VEGFC: variants seen among roughly 807,000 people sequenced by gnomAD.
VEGFC encodes the protein FLT4 ligand DHM.
VEGFC carries 12 observed loss-of-function variants against 46.1 expected under a neutral mutation model. The observed-to-expected ratio is 0.26, with a 90% CI of 0.17 to 0.42. VEGFC has a LOEUF of 0.42. Ranked by LOEUF, VEGFC falls within the 10% of genes least tolerant of loss-of-function variation. The probability of loss-of-function intolerance (pLI) is 1.00; values close to 1 mark genes in which losing one functional copy is unlikely to be tolerated. For missense variants in VEGFC, 488 were observed against 529.4 expected (o/e 0.92, Z 0.77); for synonymous variants, 232 against 195.5 (o/e 1.19, Z -1.56).
intron 1 of VEGFC, among the ~76,000 whole-genome samples, chr4:176,747,760 C>CT (rs1312636884): frequency 6.6e-6 from 1 of 152,064 alleles, no homozygotes; most frequent in African/African-American, 2.4e-5. Context: ...CCACTGCACT[C>CT]TATCCTGGGC....
Position 176,792,096 on chromosome 4 carries a change from G to C in VEGFC, c.147+69C>G, listed in dbSNP as rs890649032. On this transcript the variant is annotated intron_variant, in intron 1 of 6. Transcript: ENST00000618562. The surrounding 1 kb of genome is among the most constrained non-coding windows in gnomAD (Gnocchi z 6.3). ...AAGCACACACACTTTCCCCCGCGCAGGTTCTCGGGTCCGCCGCAGACCCTA... is the reference window on the plus strand; with the variant it reads ...AAGCACACACACTTTCCCCCGCGCACGTTCTCGGGTCCGCCGCAGACCCTA... 1 of 1,402,030 alleles carries C rather than the reference G, an allele frequency of 7.1e-7. No individual in the cohort carries two copies. The highest frequency in any genetic ancestry group is 9.3e-7 in the Non-Finnish European group (1 of 1,073,030). The allele number at this position is 1,402,030 out of a possible 1,614,324, so 86.8% of individuals were successfully genotyped here.
At chr4:176,705,311 A>G (rs1201835439) in intron 4 of VEGFC, among the ~76,000 whole-genome samples, 2 of 152,272 alleles carry the variant, frequency 1.3e-5, no homozygotes, top group East Asian at 3.9e-4. Flanking sequence ...ATGGAAATAC[A>G]TGGAGTTAAA....
chr4:176,755,584 G>A (rs1217012089), intron 1 of VEGFC, among the ~76,000 whole-genome samples: 1 of 151,874 alleles, frequency 6.6e-6, no homozygotes, highest in African/African-American at 2.4e-5. Flanking sequence ...TAGACTCCTT[G>A]CCTCAATTCC....
chr4:176,773,798 TC>T (rs893721122), intron 1 of VEGFC, among the ~76,000 whole-genome samples: 10 of 152,108 alleles, frequency 6.6e-5, no homozygotes, highest in Non-Finnish European at 1.5e-5. Flanking sequence ...TCCTCCACCC[TC>T]GGCCTTCGGA....
intron 4 of VEGFC, among the ~76,000 whole-genome samples, chr4:176,706,625 C>CAAAAAAA (rs55996370): frequency 1.9e-4 from 12 of 63,468 alleles, no homozygotes; most frequent in African/African-American, 7.3e-4. Flanking sequence ...GAATCTGTCT[C>CAAAAAAA]AAAAAAAAAA....
chr4:176,742,608 TATC>T (rs1242587285), intron 1 of VEGFC, among the ~76,000 whole-genome samples: 9 of 152,172 alleles, frequency 5.9e-5, no homozygotes, highest in East Asian at 1.9e-4. Flanking sequence ...AATTATTAAT[TATC>T]ATTCTGATTC....
rs202135883 is a variant in VEGFC, at chr4:176,727,966, T to C, written c.364A>G (p.Ile122Val). ...AHYNTEILKSIDNEWRKTQCM... is the reference protein window; with the variant it reads ...AHYNTEILKSVDNEWRKTQCM... ...TGAGTCTTTCTCCACTCATTATCAA[T>C]ACCTGTCAAGTCATAGGGAAATCAG... is the stretch of plus-strand genomic sequence containing the variant. Residue 122 changes from isoleucine (I) to valine (V), a missense_variant and splice_region_variant, in exon 3 of 7, where the codon ATT becomes GTT. By Grantham distance (29) the Ile-to-Val change is conservative. Transcript: ENST00000618562. 3,078 of 1,603,184 alleles carry C rather than the reference T, an allele frequency of 1.9e-3. 96 individuals carry two copies. In the South Asian group the frequency reaches 0.033, roughly 17 times the overall value.
chr4:176,696,562 A>G (rs1734317514), intron 4 of VEGFC, among the ~76,000 whole-genome samples: 1 of 150,680 alleles, frequency 6.6e-6, no homozygotes, highest in Non-Finnish European at 1.5e-5. Context: ...ATACTGCCCA[A>G]GGTAATTTAC....
chr4:176,725,954 G>A (rs980234768), intron 3 of VEGFC, among the ~76,000 whole-genome samples: 1 of 151,926 alleles, frequency 6.6e-6, no homozygotes, highest in African/African-American at 2.4e-5. Flanking sequence ...AAAATTTAGA[G>A]GATCTTAAAG....
intron 1 of VEGFC, among the ~76,000 whole-genome samples, chr4:176,760,205 A>C (rs1435505610): frequency 6.6e-6 from 1 of 152,172 alleles, no homozygotes; most frequent in Non-Finnish European, 1.5e-5. Context: ...GGTAAGTTTT[A>C]ATGGTGATAG....
Position 176,787,201 on chromosome 4 carries a change from C to T in VEGFC, c.147+4964G>A, listed in dbSNP as rs146475988. Among the ~76,000 whole-genome samples the T allele has an allele frequency of 5.3e-5, 8 of 151,994 alleles. No homozygotes were observed. In the East Asian group the frequency reaches 1.4e-3, roughly 26 times the overall value. On this transcript the variant is annotated intron_variant, in intron 1 of 6. Coordinates refer to ENST00000618562, the MANE Select transcript of VEGFC (RefSeq NM_005429.5). ...TTGGGGCCGGGCGCAGTGGCTCATG[C>T]CTGTAATCCCAGCACTTTAGGAGAT...
intron 4 of VEGFC, among the ~76,000 whole-genome samples, chr4:176,699,181 C>T (rs939167653): frequency 1.3e-5 from 2 of 152,146 alleles, no homozygotes; most frequent in Non-Finnish European, 1.5e-5. Flanking sequence ...ACCTATGGTT[C>T]CATAGCTGTG....
intron 1 of VEGFC, among the ~76,000 whole-genome samples, chr4:176,762,164 T>C (rs1043054323): frequency 6.6e-6 from 1 of 152,202 alleles, no homozygotes; most frequent in Non-Finnish European, 1.5e-5. Context: ...AAATTTCTTA[T>C]AAAAACTGAA....
chr4:176,752,288 C>T (rs1213861165), intron 1 of VEGFC, among the ~76,000 whole-genome samples: 2 of 152,114 alleles, frequency 1.3e-5, no homozygotes, highest in African/African-American at 2.4e-5. Context: ...AAACAGAGGG[C>T]ACAATTTATA....
At position 176,744,262 on chromosome 4, in the gene VEGFC, T is replaced by C. The variant is rs76126684; in HGVS notation, c.148-14516A>G. Reference sequence around the variant, plus strand: ...TTATACAATACCAGTCTCCAATTTATAAACATAATTTATTACTAAGCTATG... The same window carrying C: ...TTATACAATACCAGTCTCCAATTTACAAACATAATTTATTACTAAGCTATG... On this transcript the variant is annotated intron_variant, in intron 1 of 6. Coordinates refer to ENST00000618562, the MANE Select transcript of VEGFC (RefSeq NM_005429.5). 3.5e-3 allele frequency among the ~76,000 whole-genome samples: 528 copies of C among 152,082 alleles called. 3 individuals carry two copies. Among genetic ancestry groups the C allele is most frequent in the South Asian group, 6.6e-3 (32 of 4,824 alleles).
At chr4:176,766,935 T>TA (rs1441988291) in intron 1 of VEGFC, among the ~76,000 whole-genome samples, 1 of 138,102 alleles carries the variant, frequency 7.2e-6, no homozygotes, top group Admixed American at 7.8e-5. Context: ...AAACAAGACA[T>TA]AAAAAATATT....
At chr4:176,736,043 T>G (rs773201303) in intron 1 of VEGFC, among the ~76,000 whole-genome samples, 1 of 151,646 alleles carries the variant, frequency 6.6e-6, no homozygotes, top group Non-Finnish European at 1.5e-5. Flanking sequence ...AAAGACACTA[T>G]CTCCACCTTG....
chr4:176,784,782 T>C (rs922873192), intron 1 of VEGFC, among the ~76,000 whole-genome samples: 1 of 100,650 alleles, frequency 9.9e-6, no homozygotes, highest in Non-Finnish European at 2.1e-5. Context: ...AAAAAAAAGA[T>C]AAAGTAACTA....
At chr4:176,782,209 G>T (rs570376645) in intron 1 of VEGFC, among the ~76,000 whole-genome samples, 127 of 152,350 alleles carry the variant, frequency 8.3e-4, no homozygotes, top group African/African-American at 2.7e-3. Context: ...GCTCATGCCT[G>T]TAATCCCAGC....
Sources: gnomAD v4.1 joint callset for allele counts (sites outside exome capture counted in the v4.1 genomes callset) on GRCh38, gnomAD v4.1.1 for gene constraint, Gnocchi (gnomAD v3.1) non-coding constraint, MANE v1.5 for transcripts, NCBI Gene and HGNC (gene_info 2026-07-23, HGNC 2026-07-21) for gene names.